The following C10orf90 variants were observed in gnomAD, a reference collection of about 807,000 sequenced individuals.
The protein encoded by C10orf90 is (E2-independent) E3 ubiquitin-conjugating enzyme FATS.
In C10orf90, 56 loss-of-function variants were observed where a neutral mutation model predicts 62.5. The ratio of observed to expected loss-of-function variants is 0.90; its 90% CI spans 0.72 to 1.12. The LOEUF is 1.12. Among genes scored for constraint, C10orf90 ranks in the 50% most tolerant of loss-of-function variants. The pLI, the probability that C10orf90 is intolerant of heterozygous loss-of-function variation, is 0.00. For missense variants in C10orf90, 970 were observed against 880.4 expected, an observed-to-expected ratio of 1.10 and a Z score of -1.29; for synonymous variants, 386 against 340.4, an observed-to-expected ratio of 1.13 and a Z score of -1.47.
At position 126,501,789 on chromosome 10, in the gene C10orf90, A is replaced by G. The variant is rs111794220; in HGVS notation, c.1534+2168T>C. On this transcript the variant is annotated intron_variant, in intron 4 of 9. Coordinates refer to ENST00000488181, the MANE Select transcript of C10orf90 (RefSeq NM_001350921.2). Reference sequence around the variant, plus strand: ...AGCAACTTGGTTGAAGCTGGAGGCTATGATTCTAAGTGAAGTAACATAGCA... The same window carrying G: ...AGCAACTTGGTTGAAGCTGGAGGCTGTGATTCTAAGTGAAGTAACATAGCA... 5.8e-3 allele frequency among the ~76,000 whole-genome samples: 881 copies of G among 152,282 alleles called. 3 individuals carry two copies. Among genetic ancestry groups the G allele is most frequent in the Middle Eastern group, 0.041 (12 of 294 alleles).
intron 2 of C10orf90, among the ~76,000 whole-genome samples, chr10:126,562,938 C>T (rs189322687): frequency 3.9e-5 from 6 of 152,348 alleles, no homozygotes; most frequent in Admixed American, 3.9e-4. Context: ...CTCCCAGCCA[C>T]CGGCAGTGGC....
At chr10:126,533,051 G>C (rs985756186) in intron 2 of C10orf90, among the ~76,000 whole-genome samples, 2 of 150,842 alleles carry the variant, frequency 1.3e-5, no homozygotes, top group South Asian at 4.3e-4. Flanking sequence ...TCCTGCCTCA[G>C]CCTCCGGAGT....
At chr10:126,500,206 G>T (rs1209688056) in intron 4 of C10orf90, among the ~76,000 whole-genome samples, 1 of 152,214 alleles carries the variant, frequency 6.6e-6, no homozygotes, top group African/African-American at 2.4e-5. Context: ...TTCATAAGCA[G>T]CCTTCAGATA....
intron 2 of C10orf90, among the ~76,000 whole-genome samples, chr10:126,576,688 T>C (rs1844621673): frequency 3.5e-5 from 1 of 28,292 alleles, no homozygotes; most frequent in African/African-American, 2.0e-4. Context: ...CATATACATA[T>C]ACATGTATAT....
At chr10:126,543,916 C>T (rs1864431372) in intron 2 of C10orf90, among the ~76,000 whole-genome samples, 1 of 152,124 alleles carries the variant, frequency 6.6e-6, no homozygotes, top group African/African-American at 2.4e-5. Context: ...ACACATCAGC[C>T]ACATACCAGG....
intron 2 of C10orf90, among the ~76,000 whole-genome samples, chr10:126,568,632 C>T (rs1329481176): frequency 1.3e-5 from 2 of 152,246 alleles, no homozygotes; most frequent in African/African-American, 2.4e-5. Context: ...TGGGTTCTAC[C>T]CACACATAAG....
At chr10:126,518,925 A>G (rs1285574720) in intron 2 of C10orf90, among the ~76,000 whole-genome samples, 4 of 152,216 alleles carry the variant, frequency 2.6e-5, no homozygotes, top group Admixed American at 1.3e-4. Context: ...TTTCAGCAAC[A>G]GAATCCAACT....
In C10orf90 at chr10:126,504,405, A is replaced by G; in HGVS notation, c.1086T>C (p.Tyr362=). Residue 362 remains tyrosine, a synonymous_variant, in exon 4 of 10, where the codon TAT becomes TAC. Coordinates refer to ENST00000488181, the MANE Select transcript of C10orf90 (RefSeq NM_001350921.2). This position sits in a 1 kb window ranked among gnomAD's most constrained non-coding sequence, Gnocchi z 4.1. ...RVSQQCPDSI[Y]YVDKSLSVPI... ...GGACGGAGAGAGACTTGTCTACGTA[A>G]TAGATTGAATCTGGACACTGCTGAG... The G allele has an allele frequency of 6.2e-7, 1 of 1,614,202 alleles. No homozygotes were observed. The highest frequency in any genetic ancestry group is 1.1e-5 in the South Asian group (1 of 91,084).
At chr10:126,629,711 A>G (rs1276553872) in intron 2 of C10orf90, among the ~76,000 whole-genome samples, 1 of 152,258 alleles carries the variant, frequency 6.6e-6, no homozygotes, top group Non-Finnish European at 1.5e-5. Context: ...TATAAATAAT[A>G]TGGCCATGAA....
intron 4 of C10orf90, among the ~76,000 whole-genome samples, chr10:126,479,886 T>C (rs1171670530): frequency 6.6e-6 from 1 of 152,244 alleles, no homozygotes; most frequent in African/African-American, 2.4e-5. Context: ...ACTGGTTACT[T>C]GTCATTAAAT....
intron 4 of C10orf90, among the ~76,000 whole-genome samples, chr10:126,478,705 G>T (rs913148161): frequency 1.3e-5 from 2 of 152,060 alleles, no homozygotes; most frequent in African/African-American, 2.4e-5. Flanking sequence ...TGAGCTAAGG[G>T]CTGTCCTTTG....
intron 4 of C10orf90, chr10:126,469,723 A>G: frequency 2.7e-6 from 1 of 371,492 alleles, no homozygotes; most frequent in South Asian, 2.0e-5. Flanking sequence ...TCTGCATTTT[A>G]TATGTAGTGT....
chr10:126,438,110 G>A (rs892868316), intron 7 of C10orf90, among the ~76,000 whole-genome samples: 3 of 152,130 alleles, frequency 2.0e-5, no homozygotes, highest in Admixed American at 6.5e-5. Context: ...GTACACACAC[G>A]GAGACAGCTC....
At chr10:126,446,806 A>T (rs1858814337) in intron 7 of C10orf90, among the ~76,000 whole-genome samples, 1 of 151,362 alleles carries the variant, frequency 6.6e-6, no homozygotes, top group Non-Finnish European at 1.5e-5. Flanking sequence ...AAAACTATTT[A>T]AAACACCTAC....
intron 2 of C10orf90, among the ~76,000 whole-genome samples, chr10:126,562,310 T>C (rs546762797): frequency 2.0e-4 from 31 of 152,196 alleles, no homozygotes; most frequent in Middle Eastern, 6.8e-3. Context: ...TTAGACTGTA[T>C]GGAAGCCAAG....
chr10:126,451,499 A>G (rs1859188061), intron 7 of C10orf90, among the ~76,000 whole-genome samples: 1 of 151,990 alleles, frequency 6.6e-6, no homozygotes, highest in South Asian at 2.1e-4. Context: ...GTGTGTGTGT[A>G]TTATTGTCCT....
chr10:126,549,053 A>G (rs971862475), intron 2 of C10orf90, among the ~76,000 whole-genome samples: 4 of 152,224 alleles, frequency 2.6e-5, no homozygotes, highest in Admixed American at 2.0e-4. Context: ...AACTATAAAT[A>G]TTTTATAGAA....
intron 2 of C10orf90, among the ~76,000 whole-genome samples, chr10:126,549,744 CAAAAAAA>C (rs35430859): frequency 7.0e-6 from 1 of 143,758 alleles, no homozygotes; most frequent in African/African-American, 2.6e-5. Context: ...TTCATAATAG[CAAAAAAA>C]AAAAAAAAAA....
At chr10:126,632,406 T>C (rs1473035340) in intron 2 of C10orf90, among the ~76,000 whole-genome samples, 2 of 151,900 alleles carry the variant, frequency 1.3e-5, no homozygotes, top group African/African-American at 2.4e-5. Flanking sequence ...ATCTTAGGCA[T>C]GAGCAATTCA....
Sources: allele counts gnomAD v4.1 joint callset (sites outside exome capture counted in the v4.1 genomes callset), GRCh38; gene constraint gnomAD v4.1.1; non-coding constraint Gnocchi (gnomAD v3.1); transcripts MANE v1.5; gene names NCBI Gene and HGNC (gene_info 2026-07-23, HGNC 2026-07-21).